The following KCNMB2 variants were observed in gnomAD, a reference collection of about 807,000 sequenced individuals.
The protein encoded by KCNMB2 is calcium-activated potassium channel subunit beta-2.
Under a neutral mutation model 24.5 loss-of-function variants are expected in KCNMB2, and 9 were observed. The observed-to-expected ratio is 0.37, with a 90% CI of 0.22 to 0.64. The LOEUF (loss-of-function observed/expected upper bound fraction) is 0.64. KCNMB2 is among the 30% of genes least tolerant of loss of function. KCNMB2 has a pLI of 0.63. For missense variants in KCNMB2, 226 were observed against 284.3 expected (o/e 0.79, Z 1.47); for synonymous variants, 109 against 104.4 (o/e 1.04, Z -0.27).
chr3:178,739,949 C>T (rs1322362084), intron 1 of KCNMB2, among the ~76,000 whole-genome samples: 1 of 152,174 alleles, frequency 6.6e-6, no homozygotes, highest in African/African-American at 2.4e-5. Context: ...TGACATGGGA[C>T]AGCTACTGCT....
At chr3:178,656,501 G>A (rs1056623570) in intron 1 of KCNMB2, among the ~76,000 whole-genome samples, 5 of 152,096 alleles carry the variant, frequency 3.3e-5, no homozygotes, top group South Asian at 2.1e-4. Flanking sequence ...GGCTGGGTGC[G>A]GTGGCTCACG....
chr3:178,687,139 A>T (rs1209639436), intron 1 of KCNMB2, among the ~76,000 whole-genome samples: 1 of 152,106 alleles, frequency 6.6e-6, no homozygotes, highest in Non-Finnish European at 1.5e-5. Context: ...CCATATGAGG[A>T]TGCTCTTAGA....
chr3:178,671,428 A>G (rs1201605368), intron 1 of KCNMB2, among the ~76,000 whole-genome samples: 2 of 152,012 alleles, frequency 1.3e-5, no homozygotes, highest in Non-Finnish European at 2.9e-5. Context: ...CTACTGCCCA[A>G]CCTCTAGAGA....
chr3:178,558,482 A>T (rs1716201918), intron 1 of KCNMB2, among the ~76,000 whole-genome samples: 1 of 152,192 alleles, frequency 6.6e-6, no homozygotes, highest in African/African-American at 2.4e-5. Context: ...AAGCTAGAAC[A>T]CTTCTTTCAG....
intron 1 of KCNMB2, among the ~76,000 whole-genome samples, chr3:178,625,405 C>T (rs1039874270): frequency 3.3e-5 from 5 of 152,196 alleles, no homozygotes; most frequent in African/African-American, 7.2e-5. Context: ...GCTGGAGCTC[C>T]GGCCCGCCCC....
At chr3:178,655,290 T>C (rs1363647299) in intron 1 of KCNMB2, among the ~76,000 whole-genome samples, 1 of 152,184 alleles carries the variant, frequency 6.6e-6, no homozygotes, top group African/African-American at 2.4e-5. Flanking sequence ...TATTGTATTA[T>C]GTGTTAGTAA....
chr3:178,619,892 A>G (rs1718847401), intron 1 of KCNMB2, among the ~76,000 whole-genome samples: 2 of 152,138 alleles, frequency 1.3e-5, no homozygotes, highest in Admixed American at 1.3e-4. Context: ...TCTTACCCCT[A>G]TACACTCCAT....
chr3:178,618,750 T>C (rs1718804134), intron 1 of KCNMB2, among the ~76,000 whole-genome samples: 2 of 152,226 alleles, frequency 1.3e-5, no homozygotes, highest in African/African-American at 4.8e-5. Flanking sequence ...TATTCTCTTG[T>C]GAATTTAGCC....
intron 1 of KCNMB2, among the ~76,000 whole-genome samples, chr3:178,762,840 T>C (rs1341604947): frequency 1.3e-5 from 2 of 148,562 alleles, no homozygotes; most frequent in Admixed American, 1.4e-4. Flanking sequence ...TATGATCATT[T>C]ACTGAGTTGA....
chr3:178,583,485 A>G (rs1020353861), intron 1 of KCNMB2, among the ~76,000 whole-genome samples: 1 of 152,230 alleles, frequency 6.6e-6, no homozygotes, highest in Non-Finnish European at 1.5e-5. Flanking sequence ...GTAATTGTAA[A>G]TAGTTAAGAA....
intron 2 of KCNMB2, among the ~76,000 whole-genome samples, chr3:178,812,797 CA>C (rs1189996485): frequency 3.9e-5 from 6 of 151,994 alleles, no homozygotes; most frequent in African/African-American, 1.4e-4. Context: ...TTCTAGCGGC[CA>C]GTTTTGTCCA....
At chr3:178,598,016 A>G (rs1161935311) in intron 1 of KCNMB2, among the ~76,000 whole-genome samples, 1 of 151,950 alleles carries the variant, frequency 6.6e-6, no homozygotes, top group African/African-American at 2.4e-5. Flanking sequence ...GTTTGATGAT[A>G]AAGAATTCAG....
chr3:178,815,287 C>T (rs1390992299), intron 2 of KCNMB2, among the ~76,000 whole-genome samples: 1 of 151,952 alleles, frequency 6.6e-6, no homozygotes, highest in Non-Finnish European at 1.5e-5. Flanking sequence ...TACGGGCATG[C>T]ACCACTACGC....
chr3:178,711,841 G>A (rs1722464911), intron 1 of KCNMB2, among the ~76,000 whole-genome samples: 1 of 152,198 alleles, frequency 6.6e-6, no homozygotes, highest in African/African-American at 2.4e-5. Flanking sequence ...AAATTATGTT[G>A]TTTCCTTAGA....
chr3:178,770,137 A>T (rs1229305608), intron 1 of KCNMB2, among the ~76,000 whole-genome samples: 1 of 152,176 alleles, frequency 6.6e-6, no homozygotes, highest in African/African-American at 2.4e-5. Flanking sequence ...ATAGCTCCTC[A>T]TTTCACTCTC....
chr3:178,667,493 A>T (rs1401852476), intron 1 of KCNMB2, among the ~76,000 whole-genome samples: 4 of 152,118 alleles, frequency 2.6e-5, no homozygotes, highest in African/African-American at 9.7e-5. Flanking sequence ...TGATGCCTTG[A>T]TCTTAGACTT....
chr3:178,800,287 G>A (rs980603567), intron 1 of KCNMB2, among the ~76,000 whole-genome samples: 3 of 151,910 alleles, frequency 2.0e-5, no homozygotes, highest in African/African-American at 7.3e-5. Flanking sequence ...ATCTGACAAG[G>A]GATTAGTAAC....
chr3:178,759,685 A>G (rs1476621903), intron 1 of KCNMB2, among the ~76,000 whole-genome samples: 1 of 111,944 alleles, frequency 8.9e-6, no homozygotes, highest in African/African-American at 3.1e-5. Context: ...TATATCCAAG[A>G]GGATATATAT....
chr3:178,805,547 C>T (rs78853175), intron 1 of KCNMB2, among the ~76,000 whole-genome samples: 1,873 of 152,302 alleles, frequency 0.012, 39 homozygotes, highest in African/African-American at 0.044. Context: ...ATATCAGCAT[C>T]GCTTGAGAGC....
Sources: allele counts gnomAD v4.1 joint callset (sites outside exome capture counted in the v4.1 genomes callset), GRCh38; gene constraint gnomAD v4.1.1; transcripts MANE v1.5; gene names NCBI Gene and HGNC (gene_info 2026-07-23, HGNC 2026-07-21).